The following TTC16 variants were observed in gnomAD, a reference collection of about 807,000 sequenced individuals.
The protein encoded by TTC16 is tetratricopeptide repeat domain 16.
TTC16 carries 66 observed loss-of-function variants against 80.4 expected under a neutral mutation model. The observed-to-expected ratio is 0.82, with a 90% CI of 0.67 to 1.01. The LOEUF (loss-of-function observed/expected upper bound fraction) is 1.01. Among genes scored for constraint, TTC16 ranks in the 50% least tolerant of loss-of-function variants. The pLI is 0.00. For synonymous variants in TTC16, 438 were observed against 451.3 expected (o/e 0.97, Z 0.37); for missense variants, 1,070 against 1,103.2 (o/e 0.97, Z 0.43).
chr9:127,717,335 T>C lies in TTC16; in HGVS notation c.193T>C (p.Tyr65His). Residue 65 changes from tyrosine to histidine, a missense_variant and splice_region_variant, in exon 3 of 14, where the codon TAC becomes CAC. Transcript: ENST00000373289. ...TGCCTGTCCCCACTTTCCCCACAGC[T>C]ACTCCAGAGGCCAGCAGTGCTTGGA... is the stretch of plus-strand genomic sequence containing the variant. ...LTVPLKVREYYSRGQQCLEQA... is the reference protein window; with the variant it reads ...LTVPLKVREYHSRGQQCLEQA... The C allele has an allele frequency of 6.2e-7, 1 of 1,610,082 alleles. No individual in the cohort carries two copies. Among genetic ancestry groups the C allele is most frequent in the African/African-American group, 1.3e-5 (1 of 75,042 alleles).
In TTC16 at chr9:127,727,456, G is replaced by T. The variant is rs1564392634; in HGVS notation, c.1755G>T (p.Glu585Asp). The T allele has an allele frequency of 6.4e-7, 1 of 1,574,394 alleles. No homozygotes were observed. Among genetic ancestry groups the T allele is most frequent in the Non-Finnish European group, 8.6e-7 (1 of 1,159,996 alleles). ...AGGAGGAGGAAGAAAAGGAGAAGGA[G>T]AAAAAAGAGGTAAGTGGAGTACAGG... ...APEEEEEKEKEKKEEKKSELI... is the reference protein window; with the variant it reads ...APEEEEEKEKDKKEEKKSELI... Residue 585 changes from glutamate to aspartate, a missense_variant, in exon 12 of 14, where the codon GAG becomes GAT. Physicochemically the swap from Glu to Asp is conservative, Grantham distance 45. Transcript: ENST00000373289.
intron 12 of TTC16, 51 bp downstream of exon 12, chr9:127,727,516 C>G: frequency 6.5e-7 from 1 of 1,540,708 alleles, no homozygotes; most frequent in Non-Finnish European, 8.8e-7. Flanking sequence ...TGGGGCACAG[C>G]GTACCCCAGC....
chr9:127,716,911 A>G lies in TTC16; in HGVS notation c.86A>G (p.Lys29Arg), dbSNP rs73668586. Reference protein sequence around the residue: ...IPKPWVIPAPKGILQHIFGTS... With the variant: ...IPKPWVIPAPRGILQHIFGTS... The stretch of plus-strand genomic sequence containing the variant: ...AAGCCATGGGTGATTCCAGCCCCCA[A>G]AGGGATCCTGCAGCACATCTTTGGG... The change falls in exon 2 of 14, where the codon AAA becomes AGA. Residue 29 changes from lysine (K) to arginine (R), a missense_variant. Coordinates refer to ENST00000373289, the MANE Select transcript of TTC16 (RefSeq NM_144965.3). The G allele has an allele frequency of 3.0e-3, 4,880 of 1,614,032 alleles. 133 individuals carry two copies. The African/African-American group carries it at 0.057, about 19-fold the overall frequency.
chr9:127,723,407 G>A, intron 7 of TTC16, 74 bp downstream of exon 7: 1 of 1,440,914 alleles, frequency 6.9e-7, no homozygotes, highest in South Asian at 1.2e-5. Context: ...TTTAAGGAGA[G>A]TCCCTGACCC....
intron 8 of TTC16, 44 bp from the exon 9 acceptor site, chr9:127,724,712 C>T (rs1297438027): frequency 6.3e-7 from 1 of 1,588,634 alleles, no homozygotes. Flanking sequence ...GGCTCCCGGG[C>T]ACTGGGAGTT....
At chr9:127,723,816 CAG>C (rs1383579989) in intron 7 of TTC16, among the ~76,000 whole-genome samples, 3 of 151,964 alleles carry the variant, frequency 2.0e-5, no homozygotes, top group Non-Finnish European at 4.4e-5. Context: ...CCTATCCAAA[CAG>C]TGGTGGTAAA....
rs527482603 is a variant in TTC16, at chr9:127,726,419, C to T, written c.1425+15C>T. Reference sequence around the variant, plus strand: ...AGCAACCAAAGGTAGGTTCCTGCCACGTCAGGAGTGTAGGCTCCGGAGTCA... The same window carrying T: ...AGCAACCAAAGGTAGGTTCCTGCCATGTCAGGAGTGTAGGCTCCGGAGTCA... On this transcript the variant is annotated intron_variant, in intron 10 of 13. Transcript: ENST00000373289. 13 of 1,576,132 alleles carry T rather than the reference C, an allele frequency of 8.2e-6. No individual in the cohort carries two copies. Among genetic ancestry groups the T allele is most frequent in the South Asian group, 5.7e-5 (5 of 87,694 alleles).
intron 13 of TTC16, 30 bp downstream of exon 13, chr9:127,729,698 A>C: frequency 6.2e-7 from 1 of 1,600,990 alleles, no homozygotes; most frequent in Non-Finnish European, 8.5e-7. Context: ...GCCAGGCCTC[A>C]GGAAGCTAAG....
At position 127,717,315 on chromosome 9, in the gene TTC16, G is replaced by A. The variant is rs1843114209; in HGVS notation, c.192-19G>A. Reference sequence around the variant, plus strand: ...CACAGTCAGGGCCACCCCTCTGCCTGTCCCCACTTTCCCCACAGCTACTCC... The same window carrying A: ...CACAGTCAGGGCCACCCCTCTGCCTATCCCCACTTTCCCCACAGCTACTCC... On this transcript the variant is annotated intron_variant, in intron 2 of 13. Coordinates refer to ENST00000373289, the MANE Select transcript of TTC16 (RefSeq NM_144965.3). 1 of 1,606,004 alleles carries A rather than the reference G, an allele frequency of 6.2e-7. No homozygotes were observed. The highest frequency in any genetic ancestry group is 8.5e-7 in the Non-Finnish European group (1 of 1,179,604).
rs565595589 is a variant in TTC16, at chr9:127,727,357, C to G, written c.1656C>G (p.Ser552=). 4.3e-6 allele frequency: 7 copies of G among 1,609,560 alleles called. No homozygotes were observed. The highest frequency in any genetic ancestry group is 5.9e-6 in the Non-Finnish European group (7 of 1,177,370). The change falls in exon 12 of 14, where the codon TCC becomes TCG. Residue 552 remains serine (S), a synonymous_variant. Coordinates refer to ENST00000373289, the MANE Select transcript of TTC16 (RefSeq NM_144965.3). The part of the protein sequence containing the change: ...WKQGEPLIAT[S]EELKATPEIP... ...AGGGGGAGCCTTTGATTGCGACCTC[C>G]GAGGAGCTGAAGGCCACCCCTGAGA...
chr9:127,724,120 G>A lies in TTC16; in HGVS notation c.873G>A (p.Arg291=), dbSNP rs755437773. The change falls in exon 8 of 14, where the codon CGG becomes CGA. Residue 291 remains arginine, a splice_region_variant and synonymous_variant. Coordinates refer to ENST00000373289, the MANE Select transcript of TTC16 (RefSeq NM_144965.3). ...CCGTCTCCCACGCCCCCCCCGACAG[G>A]GGCACCATGTACCGACGGCTCCAGG... The part of the protein sequence containing the change: ...NPLDPSLFLF[R]GTMYRRLQEF... 45 of 1,604,898 alleles carry A rather than the reference G, an allele frequency of 2.8e-5. No homozygotes were observed. Among genetic ancestry groups the A allele is most frequent in the Non-Finnish European group, 3.7e-5 (44 of 1,174,932 alleles).
In TTC16 at chr9:127,722,100, G is replaced by C. The variant is rs1005256603; in HGVS notation, c.658-1019G>C. Among the ~76,000 whole-genome samples the C allele has an allele frequency of 6.6e-6, 1 of 152,286 alleles. No homozygotes were observed. Among genetic ancestry groups the C allele is most frequent in the East Asian group, 1.9e-4 (1 of 5,182 alleles). On this transcript the variant is annotated intron_variant, in intron 6 of 13. Transcript: ENST00000373289. The surrounding 1 kb of genome is among the most constrained non-coding windows in gnomAD (Gnocchi z 4.2). ...TTTGGGATAGAGACACACTGTCCTC[G>C]TTTCACAGAGGAAGAGCCAGCCCCA...
intron 9 of TTC16, among the ~76,000 whole-genome samples, chr9:127,725,510 G>T (rs1224466558): frequency 7.8e-6 from 1 of 127,974 alleles, no homozygotes; most frequent in Non-Finnish European, 1.6e-5. Context: ...CTTGCAGTGA[G>T]CCGAGATCAA....
At chr9:127,729,258 T>C (rs945245848) in intron 12 of TTC16, 6 of 253,898 alleles carry the variant, frequency 2.4e-5, no homozygotes, top group African/African-American at 1.4e-4. Flanking sequence ...TCCGTAAGCA[T>C]TCCCCAGGGC....
intron 1 of TTC16, 155 bp downstream of exon 1, chr9:127,716,318 A>G (rs1843005647): frequency 7.8e-6 from 9 of 1,158,626 alleles, no homozygotes; most frequent in Admixed American, 2.0e-5. Context: ...GGCATGTGAA[A>G]GATCCTTGTA....
Position 127,724,349 on chromosome 9 carries a change from T to C in TTC16, c.1102T>C (p.Tyr368His). The C allele has an allele frequency of 6.2e-7, 1 of 1,601,346 alleles. No homozygotes were observed. The highest frequency in any genetic ancestry group is 1.3e-5 in the African/African-American group (1 of 74,512). Reference sequence around the variant, plus strand: ...GGACGAGCAGCAGGAGAAAGGACTCTACATCAACCGAGGCGGTGCGCAGCG... The same window carrying C: ...GGACGAGCAGCAGGAGAAAGGACTCCACATCAACCGAGGCGGTGCGCAGCG... ...LRDEQQEKGL[Y>H]INRGDCFFQL... Residue 368 changes from tyrosine to histidine, a missense_variant, in exon 8 of 14, where the codon TAC (tyrosine) becomes CAC (histidine). By Grantham distance (83) the Tyr-to-His change is moderately conservative (BLOSUM62 2). Transcript: ENST00000373289.
chr9:127,723,069 C>T (rs1255507626), intron 6 of TTC16, 50 bp from the exon 7 acceptor site: 5 of 1,587,564 alleles, frequency 3.1e-6, no homozygotes, highest in Non-Finnish European at 4.3e-6. Flanking sequence ...CCTCTAGGTC[C>T]CGTGGCTCAG....
At position 127,727,105 on chromosome 9, in the gene TTC16, A is replaced by T. The variant is rs528757493; in HGVS notation, c.1561A>T (p.Ile521Phe). 3.7e-6 allele frequency: 6 copies of T among 1,600,566 alleles called. No individual in the cohort carries two copies. In the South Asian group the frequency reaches 6.7e-5, roughly 18 times the overall value. Residue 521 changes from isoleucine (I) to phenylalanine (F), a missense_variant, in exon 11 of 14, where the codon ATT becomes TTT. By Grantham distance (21) the Ile-to-Phe change is conservative. Transcript: ENST00000373289. ...GSLQAGSPQG[I>F]VGMLKRHELE... is the part of the protein sequence containing the mutation. ...CCTGCAGGCCGGCAGCCCACAAGGC[A>T]TTGTGGGGTAAGCCCTGGAGCAAGG... is the stretch of plus-strand genomic sequence containing the variant.
chr9:127,731,065 A>G lies in TTC16; in HGVS notation c.2282A>G (p.Lys761Arg). 6.2e-7 allele frequency: 1 copy of G among 1,612,530 alleles called. No homozygotes were observed. The highest frequency in any genetic ancestry group is 8.5e-7 in the Non-Finnish European group (1 of 1,179,782). ...CAGGGCCCAAGGCAGGAGCCCAGCA[A>G]GACCAAGACCACCCGGAGCCCAAGG... Reference protein sequence around the residue: ...ATQGPRQEPSKTKTTRSPRQR... With the variant: ...ATQGPRQEPSRTKTTRSPRQR... The change falls in exon 14 of 14, where the codon AAG becomes AGG. Residue 761 changes from lysine to arginine, a missense_variant. Coordinates refer to ENST00000373289, the MANE Select transcript of TTC16 (RefSeq NM_144965.3).
Sources: gnomAD v4.1 joint callset for allele counts (sites outside exome capture counted in the v4.1 genomes callset) on GRCh38, gnomAD v4.1.1 for gene constraint, Gnocchi (gnomAD v3.1) non-coding constraint, MANE v1.5 for transcripts, NCBI Gene and HGNC (gene_info 2026-07-23, HGNC 2026-07-21) for gene names.